Variants in NKAIN2 observed in about 807,000 individuals in gnomAD.
The protein encoded by NKAIN2 is sodium/potassium-transporting ATPase subunit beta-1-interacting protein 2.
Under a neutral mutation model 32.6 loss-of-function variants are expected in NKAIN2, and 14 were observed. That is an observed-to-expected ratio of 0.43 (90% CI 0.28 to 0.67). The LOEUF (loss-of-function observed/expected upper bound fraction) is 0.67. NKAIN2 is among the 30% of genes least tolerant of loss of function. The probability of loss-of-function intolerance (pLI) is 0.17; values close to 1 mark genes in which losing one functional copy is unlikely to be tolerated. For synonymous variants in NKAIN2, 80 were observed against 87.2 expected (o/e 0.92, Z 0.46); for missense variants, 198 against 258.3 (o/e 0.77, Z 1.60).
rs181541316 is a variant in NKAIN2, at chr6:124,392,267, G to A, written c.273+36920G>A. 4.3e-4 allele frequency among the ~76,000 whole-genome samples: 65 copies of A among 152,134 alleles called. No individual in the cohort carries two copies. The East Asian group carries it at 6.6e-3, about 15-fold the overall frequency. On this transcript the variant is annotated intron_variant, in intron 3 of 6. Coordinates refer to ENST00000368417, the MANE Select transcript of NKAIN2 (RefSeq NM_001040214.3). ...ACAAACTGTAAGCTTTGTAAGGCCCGTATTTTATTGGTTTACTGTAATATT... is the reference window on the plus strand; with the variant it reads ...ACAAACTGTAAGCTTTGTAAGGCCCATATTTTATTGGTTTACTGTAATATT...
chr6:124,605,245 G>T (rs1782455222), intron 3 of NKAIN2, among the ~76,000 whole-genome samples: 1 of 152,118 alleles, frequency 6.6e-6, no homozygotes, highest in East Asian at 1.9e-4. Context: ...TTATTCGCTG[G>T]GTCTGTGAGA....
At chr6:124,138,930 G>A (rs6913170) in intron 1 of NKAIN2, among the ~76,000 whole-genome samples, 1,773 of 151,192 alleles carry the variant, frequency 0.012, 30 homozygotes, top group African/African-American at 0.041. Flanking sequence ...GGGGGGAATG[G>A]TGAAGAGGGA....
At chr6:124,706,379 G>C (rs903612946) in intron 4 of NKAIN2, among the ~76,000 whole-genome samples, 1 of 151,980 alleles carries the variant, frequency 6.6e-6, no homozygotes, top group Non-Finnish European at 1.5e-5. Flanking sequence ...AAGCCTATCT[G>C]ATTAAAGGGC....
intron 3 of NKAIN2, 118 bp downstream of exon 3, chr6:124,355,465 A>C (rs544763208): frequency 3.1e-6 from 2 of 648,168 alleles, no homozygotes; most frequent in Admixed American, 2.7e-5. Context: ...AAGTAAATTG[A>C]AAGGTGTCTT....
At chr6:124,573,001 G>A (rs1015399417) in intron 3 of NKAIN2, among the ~76,000 whole-genome samples, 6 of 151,868 alleles carry the variant, frequency 4.0e-5, no homozygotes, top group African/African-American at 7.3e-5. Context: ...CACCATGCCC[G>A]GCTAATTTTT....
In NKAIN2 at chr6:123,814,567, C is replaced by T. The variant is rs146631723; in HGVS notation, c.54+10313C>T. Among the ~76,000 whole-genome samples, 94 of 152,198 alleles carry T rather than the reference C, an allele frequency of 6.2e-4. 1 individual carries two copies. In the East Asian group the frequency reaches 0.015, roughly 24 times the overall value. On this transcript the variant is annotated intron_variant, in intron 1 of 6. Coordinates refer to ENST00000368417, the MANE Select transcript of NKAIN2 (RefSeq NM_001040214.3). ...AGACCTGTGGTTTTCACTTTCTTTT[C>T]GTAAGAAAGAGGTGTTAATGATCAC...
chr6:124,759,909 G>A (rs748509474), intron 4 of NKAIN2, among the ~76,000 whole-genome samples: 3 of 151,904 alleles, frequency 2.0e-5, no homozygotes, highest in South Asian at 2.1e-4. Context: ...AGCCCACAGA[G>A]TGGCACGCTT....
At chr6:124,772,080 AT>A (rs1195988682) in intron 4 of NKAIN2, among the ~76,000 whole-genome samples, 2 of 152,188 alleles carry the variant, frequency 1.3e-5, no homozygotes, top group East Asian at 1.9e-4. Flanking sequence ...TGAGAAAGAT[AT>A]TTTTTAAAGA....
chr6:123,859,426 C>G (rs530932257), intron 1 of NKAIN2, among the ~76,000 whole-genome samples: 15 of 152,156 alleles, frequency 9.9e-5, no homozygotes, highest in African/African-American at 3.6e-4. Context: ...CACAGTGTTT[C>G]TGTTTTCTTC....
chr6:124,372,467 A>G (rs965169788), intron 3 of NKAIN2, among the ~76,000 whole-genome samples: 1 of 152,224 alleles, frequency 6.6e-6, no homozygotes, highest in South Asian at 2.1e-4. Flanking sequence ...CAGTCTTTGA[A>G]ATTCACTAGA....
chr6:124,561,091 T>C (rs370721242), intron 3 of NKAIN2, among the ~76,000 whole-genome samples: 2 of 144,418 alleles, frequency 1.4e-5, no homozygotes, highest in Non-Finnish European at 3.1e-5. Flanking sequence ...CACTGTCTTG[T>C]TTCAGGGCAC....
At chr6:124,514,232 G>A (rs544885292) in intron 3 of NKAIN2, among the ~76,000 whole-genome samples, 133 of 152,258 alleles carry the variant, frequency 8.7e-4, no homozygotes, top group Admixed American at 3.5e-3. Context: ...CTGGGCCACT[G>A]TTGGAGGTTT....
intron 1 of NKAIN2, among the ~76,000 whole-genome samples, chr6:123,847,568 C>T (rs991007720): frequency 1.3e-5 from 2 of 152,058 alleles, no homozygotes; most frequent in Admixed American, 1.3e-4. Context: ...TATTACATAA[C>T]ATTTGAAGGA....
At chr6:124,105,151 T>A (rs1330803752) in intron 1 of NKAIN2, among the ~76,000 whole-genome samples, 1 of 152,156 alleles carries the variant, frequency 6.6e-6, no homozygotes, top group Admixed American at 6.6e-5. Flanking sequence ...CAGGCAGGTA[T>A]AAATATTTGA....
At chr6:124,106,025 A>T (rs1354703950) in intron 1 of NKAIN2, among the ~76,000 whole-genome samples, 3 of 152,166 alleles carry the variant, frequency 2.0e-5, no homozygotes, top group Non-Finnish European at 4.4e-5. Flanking sequence ...AAATGGTAGA[A>T]AAGGGATTTG....
chr6:124,349,945 A>C (rs1351989450), intron 2 of NKAIN2, among the ~76,000 whole-genome samples: 1 of 152,214 alleles, frequency 6.6e-6, no homozygotes, highest in Non-Finnish European at 1.5e-5. Flanking sequence ...TCAGAAATCA[A>C]TTCTTAAAAG....
intron 2 of NKAIN2, among the ~76,000 whole-genome samples, chr6:124,329,262 A>G (rs1354498189): frequency 1.3e-5 from 2 of 152,174 alleles, no homozygotes; most frequent in Non-Finnish European, 2.9e-5. Flanking sequence ...CTTGGTAAAG[A>G]ATTAGCAAGC....
At chr6:124,210,927 T>G (rs1488245182) in intron 1 of NKAIN2, among the ~76,000 whole-genome samples, 2 of 150,558 alleles carry the variant, frequency 1.3e-5, no homozygotes, top group East Asian at 3.9e-4. Flanking sequence ...TTAGATACTC[T>G]TTATTTACTT....
At chr6:124,428,461 T>C (rs1775074642) in intron 3 of NKAIN2, among the ~76,000 whole-genome samples, 1 of 152,202 alleles carries the variant, frequency 6.6e-6, no homozygotes, top group Non-Finnish European at 1.5e-5. Flanking sequence ...CAGCTGCATT[T>C]CTGTTTGAAT....
Sources: allele counts gnomAD v4.1 joint callset (sites outside exome capture counted in the v4.1 genomes callset), GRCh38; gene constraint gnomAD v4.1.1; transcripts MANE v1.5; gene names NCBI Gene and HGNC (gene_info 2026-07-23, HGNC 2026-07-21).